The following COL6A5 variants were observed in gnomAD, a reference collection of about 807,000 sequenced individuals.
The protein encoded by COL6A5 is collagen alpha-5(VI) chain.
Under a neutral mutation model 65.6 loss-of-function variants are expected in COL6A5, and 48 were observed. The ratio of observed to expected loss-of-function variants is 0.73; its 90% CI spans 0.58 to 0.93. The LOEUF (loss-of-function observed/expected upper bound fraction) is 0.93, where lower values mean the gene tolerates loss of function less well. COL6A5 is among the 40% of genes least tolerant of loss of function. The pLI is 0.00. For missense variants in COL6A5, 914 were observed against 928.3 expected, an observed-to-expected ratio of 0.98 and a Z score of 0.20; for synonymous variants, 291 against 322.8, an observed-to-expected ratio of 0.90 and a Z score of 1.05.
At chr3:130,475,251 C>T (rs1710065201) in intron 7 of COL6A5, among the ~76,000 whole-genome samples, 1 of 151,162 alleles carries the variant, frequency 6.6e-6, no homozygotes, top group Non-Finnish European at 1.5e-5. Flanking sequence ...AAAAATCCCC[C>T]CAAATTGGTA....
chr3:130,434,012 C>T (rs746627181), intron 1 of COL6A5, among the ~76,000 whole-genome samples: 2 of 151,298 alleles, frequency 1.3e-5, no homozygotes, highest in African/African-American at 2.4e-5. Context: ...CAGAACATGC[C>T]GGTTTGTTAC....
chr3:130,442,412 G>A (rs1334422416), intron 3 of COL6A5, among the ~76,000 whole-genome samples: 1 of 152,114 alleles, frequency 6.6e-6, no homozygotes, highest in Admixed American at 6.6e-5. Flanking sequence ...CATTAAGATT[G>A]ATGATTATGC....
chr3:130,345,783 G>A, exon 1 of COL6A5: 1 of 398,698 alleles, frequency 2.5e-6, no homozygotes. Flanking sequence ...CGTTCGCTGC[G>A]GGAATCCACC....
chr3:130,449,616 C>T (rs1160005156), intron 4 of COL6A5, among the ~76,000 whole-genome samples: 1 of 152,170 alleles, frequency 6.6e-6, no homozygotes, highest in Non-Finnish European at 1.5e-5. Flanking sequence ...GCACCAGTAT[C>T]TACTAGGCCC....
At chr3:130,418,832 T>G (rs1282226215) in intron 24 of COL6A5, 37 bp from the exon 25 acceptor site, 1 of 1,524,128 alleles carries the variant, frequency 6.6e-7, no homozygotes, top group East Asian at 2.5e-5. Context: ...CAGGTTTGAT[T>G]TTACTGATCT....
At chr3:130,447,557 T>C (rs1577519506) in intron 4 of COL6A5, among the ~76,000 whole-genome samples, 1 of 152,076 alleles carries the variant, frequency 6.6e-6, no homozygotes, top group Non-Finnish European at 1.5e-5. Context: ...CCTGGTAAAG[T>C]GGTATGAGAT....
chr3:130,413,476 G>A, intron 20 of COL6A5, 69 bp from the exon 21 acceptor site: 1 of 1,381,586 alleles, frequency 7.2e-7, no homozygotes, highest in Non-Finnish European at 1.0e-6. Context: ...AATGAAAGAG[G>A]CTGATTTGCC....
At chr3:130,356,403 A>AT (rs1003549515) in intron 1 of COL6A5, among the ~76,000 whole-genome samples, 1 of 152,190 alleles carries the variant, frequency 6.6e-6, no homozygotes, top group African/African-American at 2.4e-5. Flanking sequence ...TAGACTAATA[A>AT]TGAACTCTAT....
At chr3:130,431,454 C>CT, upstream of COL6A5, 1 of 1,547,456 alleles carries the variant, frequency 6.5e-7, no homozygotes, top group South Asian at 1.2e-5. Flanking sequence ...TTCTGCTTTT[C>CT]TTTTTTCTAG....
Position 130,452,067 on chromosome 3 carries a change from A to G in COL6A5, c.1333-3388A>G, listed in dbSNP as rs1709454983. On this transcript the variant is annotated intron_variant, in intron 4 of 7. Coordinates refer to ENST00000512836, the Ensembl canonical transcript of COL6A5. ...CCTGAATAGAGTGACCGTATTTTCC[A>G]TAGGCACTCAAACACCACCCTGTTT... 2.0e-5 allele frequency among the ~76,000 whole-genome samples: 3 copies of G among 152,278 alleles called. No individual in the cohort carries two copies. In the South Asian group the frequency reaches 6.2e-4, roughly 32 times the overall value.
chr3:130,442,415 G>T (rs1354385861), intron 3 of COL6A5, among the ~76,000 whole-genome samples: 3 of 152,136 alleles, frequency 2.0e-5, no homozygotes, highest in Non-Finnish European at 1.5e-5. Context: ...TAAGATTGAT[G>T]ATTATGCAAT....
At chr3:130,434,639 T>G (rs920646815) in intron 1 of COL6A5, among the ~76,000 whole-genome samples, 4 of 152,242 alleles carry the variant, frequency 2.6e-5, no homozygotes, top group Non-Finnish European at 5.9e-5. Flanking sequence ...CTGACTGGCA[T>G]GAGATGGTAT....
chr3:130,433,140 G>A (rs754679892), intron 1 of COL6A5, among the ~76,000 whole-genome samples: 23 of 152,128 alleles, frequency 1.5e-4, no homozygotes, highest in Non-Finnish European at 2.8e-4. Context: ...GAGCCACAGA[G>A]AGTTACAACA....
At position 130,395,560 on chromosome 3, in the gene COL6A5, T is replaced by C. The variant is rs1292938779; in HGVS notation, c.3568+95T>C. 66 of 895,568 alleles carry C rather than the reference T, an allele frequency of 7.4e-5. 1 individual carries two copies. In the Admixed American group the frequency reaches 1.7e-3, roughly 23 times the overall value. The allele number at this position is 895,568 out of a possible 1,614,324, so 55.5% of individuals were successfully genotyped here. A position where few individuals can be genotyped will look rare whatever the true frequency, so the allele number is the denominator to read the frequency against. ...GGGCTAGCTCTAGCAGAGCATATAT[T>C]TAGAACATATATTTAGTGAGAATAT... is the stretch of plus-strand genomic sequence containing the variant. On this transcript the variant is annotated intron_variant and NMD_transcript_variant, in intron 8 of 41. Coordinates refer to the COL6A5 transcript ENST00000312481.
exon 5 of COL6A5, chr3:130,455,579 C>T (rs1259537835): frequency 1.2e-6 from 2 of 1,612,940 alleles, no homozygotes; most frequent in Admixed American, 1.7e-5. Context: ...TTTGGTTTAC[C>T]TTCCAAGCCA....
At chr3:130,348,916 T>A (rs1161507860) in intron 1 of COL6A5, among the ~76,000 whole-genome samples, 4 of 152,218 alleles carry the variant, frequency 2.6e-5, no homozygotes, top group Non-Finnish European at 5.9e-5. Flanking sequence ...CATATCTTCT[T>A]TTGAGAAGTG....
exon 7 of COL6A5, chr3:130,391,482 A>C: frequency 6.4e-7 from 1 of 1,551,742 alleles, no homozygotes; most frequent in Non-Finnish European, 8.7e-7. Flanking sequence ...TTTACAGAGG[A>C]ACATGGCAGC....
intron 7 of COL6A5, among the ~76,000 whole-genome samples, 181 bp from the exon 40 acceptor site, chr3:130,471,501 C>A (rs1252574125): frequency 6.6e-6 from 1 of 152,074 alleles, no homozygotes; most frequent in African/African-American, 2.4e-5. Context: ...AGACAAATGT[C>A]TAAGTTTCCT....
chr3:130,397,485 T>C, intron 8 of COL6A5, 98 bp from the exon 9 acceptor site: 1 of 887,928 alleles, frequency 1.1e-6, no homozygotes, highest in Non-Finnish European at 1.7e-6. Flanking sequence ...CTAGAGACCC[T>C]CTAGCTCTGG....
Sources: allele counts gnomAD v4.1 joint callset (sites outside exome capture counted in the v4.1 genomes callset), GRCh38; gene constraint gnomAD v4.1.1; transcripts MANE v1.5; gene names NCBI Gene and HGNC (gene_info 2026-07-23, HGNC 2026-07-21).